The following EPHB2 variants were observed in gnomAD, a reference collection of about 807,000 sequenced individuals.
The protein encoded by EPHB2 is EPH receptor B2.
Under a neutral mutation model 96.4 loss-of-function variants are expected in EPHB2, and 18 were observed. That is an observed-to-expected ratio of 0.19 (90% CI 0.13 to 0.28). EPHB2 has a LOEUF of 0.28. Among genes scored for constraint, EPHB2 ranks in the 10% least tolerant of loss-of-function variants. EPHB2 has a pLI of 1.00. For synonymous variants in EPHB2, 506 were observed against 534.1 expected, an observed-to-expected ratio of 0.95 and a Z score of 0.72; for missense variants, 989 against 1,355.4, an observed-to-expected ratio of 0.73 and a Z score of 4.25.
At chr1:22,789,745 CAAAT>C (rs1644664345) in intron 3 of EPHB2, among the ~76,000 whole-genome samples, 1 of 152,040 alleles carries the variant, frequency 6.6e-6, no homozygotes, top group East Asian at 1.9e-4. Context: ...AGTCAGTGAG[CAAAT>C]AAATAAACTA....
chr1:22,857,128 C>T (rs1645711711), intron 3 of EPHB2, among the ~76,000 whole-genome samples: 2 of 152,186 alleles, frequency 1.3e-5, no homozygotes, highest in South Asian at 2.1e-4. Flanking sequence ...TGGTCTGGAG[C>T]TTGACTTGCA....
chr1:22,827,764 T>G (rs1038338064), intron 3 of EPHB2, among the ~76,000 whole-genome samples: 1 of 152,182 alleles, frequency 6.6e-6, no homozygotes, highest in African/African-American at 2.4e-5. Flanking sequence ...TAATTCTGAG[T>G]GCTACCTGCT....
chr1:22,827,009 C>A (rs1645234109), intron 3 of EPHB2, among the ~76,000 whole-genome samples: 1 of 152,200 alleles, frequency 6.6e-6, no homozygotes, highest in African/African-American at 2.4e-5. Context: ...CCAGTCTGAG[C>A]TAAACCAGTT....
intron 3 of EPHB2, among the ~76,000 whole-genome samples, chr1:22,838,845 G>A (rs1299545783): frequency 6.6e-6 from 1 of 152,158 alleles, no homozygotes; most frequent in East Asian, 1.9e-4. Flanking sequence ...GCAGGAAAAT[G>A]GTGTGAACCC....
At chr1:22,715,494 C>A (rs1006907930) in intron 1 of EPHB2, among the ~76,000 whole-genome samples, 26 of 152,280 alleles carry the variant, frequency 1.7e-4, no homozygotes, top group African/African-American at 6.3e-4. Context: ...ACCCAGCGAC[C>A]TTCCATGGGA....
chr1:22,848,657 C>T (rs766052011), intron 3 of EPHB2, among the ~76,000 whole-genome samples: 14 of 152,300 alleles, frequency 9.2e-5, no homozygotes, highest in East Asian at 1.9e-4. Context: ...AGGAAGGTGA[C>T]GGGTTCTGTA....
intron 5 of EPHB2, among the ~76,000 whole-genome samples, chr1:22,871,953 T>C (rs908948437): frequency 1.1e-4 from 17 of 151,640 alleles, no homozygotes; most frequent in Non-Finnish European, 5.9e-5. Context: ...GAGGCGGAGG[T>C]TGCAGTGAGC....
At chr1:22,900,224 G>T (rs933248672) in intron 9 of EPHB2, among the ~76,000 whole-genome samples, 1 of 152,058 alleles carries the variant, frequency 6.6e-6, no homozygotes, top group African/African-American at 2.4e-5. Context: ...AACCTGGGAG[G>T]CGAAGGTTGC....
At chr1:22,879,800 C>T (rs1453727314) in intron 5 of EPHB2, among the ~76,000 whole-genome samples, 2 of 152,372 alleles carry the variant, frequency 1.3e-5, no homozygotes, top group South Asian at 2.1e-4. Flanking sequence ...CTACACTGAG[C>T]ACACAACCAG....
intron 6 of EPHB2, among the ~76,000 whole-genome samples, chr1:22,888,339 C>T (rs551735732): frequency 3.9e-5 from 6 of 152,310 alleles, no homozygotes; most frequent in Middle Eastern, 6.8e-3. Flanking sequence ...CTGCGCCTGG[C>T]CTCTATAATG....
intron 3 of EPHB2, among the ~76,000 whole-genome samples, chr1:22,829,063 C>T (rs1050168900): frequency 6.6e-6 from 1 of 152,110 alleles, no homozygotes; most frequent in Admixed American, 6.5e-5. Flanking sequence ...CGTAGTGTCA[C>T]ATCAAGAATT....
intron 1 of EPHB2, among the ~76,000 whole-genome samples, chr1:22,777,783 G>C (rs746049540): frequency 4.5e-4 from 68 of 152,284 alleles, no homozygotes; most frequent in Non-Finnish European, 7.3e-4. Context: ...GCCTGCCTTT[G>C]CTTTCAGGGG....
chr1:22,793,850 C>T (rs1024485581), intron 3 of EPHB2, among the ~76,000 whole-genome samples: 1 of 152,136 alleles, frequency 6.6e-6, no homozygotes. Context: ...GGCCACACAG[C>T]CACTAAGTAG....
intron 1 of EPHB2, among the ~76,000 whole-genome samples, chr1:22,773,479 G>T (rs556099411): frequency 6.6e-6 from 1 of 152,336 alleles, no homozygotes; most frequent in Admixed American, 6.5e-5. Context: ...ACACCAGGCT[G>T]ATTTGCTGCC....
rs749776018 is a variant in EPHB2, at chr1:22,910,358, C to CA, written c.2503-23dup. ...CGCCCTCAGCCCATCCACCCAACCC[C>CA]ACTGCACTCCTGCATTGTCCCAGGT... On this transcript the variant is annotated intron_variant, in intron 13 of 15. Transcript: ENST00000374630. 1.9e-6 allele frequency: 3 copies of CA among 1,614,144 alleles called. No individual in the cohort carries two copies. In the South Asian group the frequency reaches 3.3e-5, roughly 18 times the overall value.
rs995464854 is a variant in EPHB2 at position 22,784,160 on chromosome 1, C to T, written c.127-232C>T. Among the ~76,000 whole-genome samples the T allele has an allele frequency of 2.0e-5, 3 of 152,162 alleles. No individual in the cohort carries two copies. Among genetic ancestry groups the T allele is most frequent in the African/African-American group, 4.8e-5 (2 of 41,444 alleles). On this transcript the variant is annotated intron_variant, in intron 2 of 15. Coordinates refer to ENST00000374630, the MANE Select transcript of EPHB2 (RefSeq NM_017449.5). This position sits in a 1 kb window ranked among gnomAD's most constrained non-coding sequence, Gnocchi z 5.1. Reference sequence around the variant, plus strand: ...CTGTCTCCTTTATCAGATTAGTGTACCCCTGACAGTAAGGGCAATGTCTCC... The same window carrying T: ...CTGTCTCCTTTATCAGATTAGTGTATCCCTGACAGTAAGGGCAATGTCTCC...
At chr1:22,739,460 C>A (rs1469038823) in intron 1 of EPHB2, among the ~76,000 whole-genome samples, 1 of 152,210 alleles carries the variant, frequency 6.6e-6, no homozygotes, top group Non-Finnish European at 1.5e-5. Flanking sequence ...AAGTGATCCA[C>A]CTGCCTTGGC....
At position 22,865,192 on chromosome 1, in the gene EPHB2, A is replaced by AC; in HGVS notation, c.1284dup (p.Ile429HisfsTer42). Reference sequence around the variant, plus strand: ...TTCTCGCCTCAGTTCGCCTCTGTGAACATCACCACCAACCAGGCAGGTAAG... The same window carrying AC: ...TTCTCGCCTCAGTTCGCCTCTGTGAACCATCACCACCAACCAGGCAGGTAAG... On this transcript the variant is annotated frameshift_variant, in exon 5 of 16. Coordinates refer to ENST00000374630, the MANE Select transcript of EPHB2 (RefSeq NM_017449.5). LOFTEE classifies it high-confidence loss of function. 1 of 1,614,200 alleles carries AC rather than the reference A, an allele frequency of 6.2e-7. No individual in the cohort carries two copies.
chr1:22,900,801 T>C (rs552675622), intron 9 of EPHB2, among the ~76,000 whole-genome samples: 57 of 152,294 alleles, frequency 3.7e-4, no homozygotes, highest in African/African-American at 1.3e-3. Context: ...TTCAAAGCAC[T>C]GCCAGCCCTG....
Sources: gnomAD v4.1 joint callset for allele counts (sites outside exome capture counted in the v4.1 genomes callset) on GRCh38, gnomAD v4.1.1 for gene constraint, Gnocchi (gnomAD v3.1) non-coding constraint, MANE v1.5 for transcripts, NCBI Gene and HGNC (gene_info 2026-07-23, HGNC 2026-07-21) for gene names.